Variants in CMSS1 observed in about 807,000 individuals in gnomAD.
CMSS1 encodes the protein cms1 ribosomal small subunit homolog.
Under a neutral mutation model 43.5 loss-of-function variants are expected in CMSS1, and 33 were observed. The observed-to-expected ratio is 0.76, with a 90% CI of 0.57 to 1.01. The LOEUF is 1.01. CMSS1 is among the 50% of genes least tolerant of loss of function. The probability of loss-of-function intolerance (pLI) is 0.00; values close to 1 mark genes in which losing one functional copy is unlikely to be tolerated. For synonymous variants in CMSS1, 115 were observed against 117.2 expected (o/e 0.98, Z 0.12); for missense variants, 313 against 326.4 (o/e 0.96, Z 0.32).
intron 1 of CMSS1, among the ~76,000 whole-genome samples, chr3:99,989,937 G>A (rs1271149674): frequency 6.6e-6 from 1 of 152,050 alleles, no homozygotes. Context: ...CACCTGGTAC[G>A]TGCTTAAGAG....
chr3:100,124,496 C>T (rs2066647101), intron 1 of CMSS1, among the ~76,000 whole-genome samples: 1 of 152,186 alleles, frequency 6.6e-6, no homozygotes, highest in African/African-American at 2.4e-5. Flanking sequence ...GGAGTACAGG[C>T]CTTTCCATTG....
chr3:99,926,019 G>T (rs1707282461), intron 1 of CMSS1: 1 of 227,882 alleles, frequency 4.4e-6, no homozygotes, highest in Non-Finnish European at 7.3e-6. Context: ...TTCTAGATTA[G>T]ATACAGATGC....
chr3:99,849,965 A>G, intron 1 of CMSS1: 1 of 1,612,408 alleles, frequency 6.2e-7, no homozygotes, highest in East Asian at 2.2e-5. Flanking sequence ...TCCGCTTTCA[A>G]TTTGTTTTTT....
chr3:100,176,286 T>G, intron 8 of CMSS1, 41 bp from the exon 9 acceptor site: 2 of 1,297,700 alleles, frequency 1.5e-6, no homozygotes, highest in Non-Finnish European at 2.2e-6. Context: ...GCTTATGTCA[T>G]GAGGTCTTTA....
At chr3:100,145,689 A>G (rs190021996) in intron 1 of CMSS1, among the ~76,000 whole-genome samples, 1 of 152,216 alleles carries the variant, frequency 6.6e-6, no homozygotes, top group Non-Finnish European at 1.5e-5. Context: ...TAGTCTAAAC[A>G]TGATAGGCTT....
At chr3:100,055,961 G>A (rs1416944910) in intron 1 of CMSS1, among the ~76,000 whole-genome samples, 1 of 152,182 alleles carries the variant, frequency 6.6e-6, no homozygotes, top group Non-Finnish European at 1.5e-5. Context: ...TAACACTTGT[G>A]TATGGAGTCC....
chr3:99,875,940 T>C (rs1221008412), intron 1 of CMSS1: 11 of 528,496 alleles, frequency 2.1e-5, no homozygotes, highest in Non-Finnish European at 2.4e-5. Flanking sequence ...CTAGAATTCA[T>C]TGGATGCGCT....
intron 1 of CMSS1, among the ~76,000 whole-genome samples, chr3:99,867,659 A>G (rs1241754257): frequency 6.6e-6 from 1 of 152,172 alleles, no homozygotes; most frequent in Admixed American, 6.5e-5. Flanking sequence ...TCTAAGGTCT[A>G]CAAAGCCTTT....
At chr3:99,944,632 G>C (rs1321047878) in intron 1 of CMSS1, among the ~76,000 whole-genome samples, 1 of 152,236 alleles carries the variant, frequency 6.6e-6, no homozygotes, top group African/African-American at 2.4e-5. Context: ...TCTGCCCCAA[G>C]CCACAGAACT....
chr3:99,910,785 A>G lies in CMSS1; in HGVS notation c.64+92742A>G, dbSNP rs889480266. 1.0e-3 allele frequency among the ~76,000 whole-genome samples: 86 copies of G among 83,598 alleles called. 5 individuals carry two copies. The highest frequency in any genetic ancestry group is 2.6e-3 in the African/African-American group (84 of 32,070). 54.8% of individuals were successfully genotyped at this position (83,598 alleles called of 152,430 possible). A position where few individuals can be genotyped will look rare whatever the true frequency, so the allele number is the denominator to read the frequency against. ...AAGAAAGTAGATAACTAGAATATTT[A>G]TGCCCATTTTATAGATGGAAGCATC... is the stretch of plus-strand genomic sequence containing the variant. On this transcript the variant is annotated intron_variant, in intron 1 of 9. Transcript: ENST00000421999.
chr3:100,096,014 T>C (rs1239373611), intron 1 of CMSS1, among the ~76,000 whole-genome samples: 1 of 152,146 alleles, frequency 6.6e-6, no homozygotes, highest in Non-Finnish European at 1.5e-5. Context: ...AACAGGCATA[T>C]GAAAAGGTGC....
intron 1 of CMSS1, among the ~76,000 whole-genome samples, chr3:100,111,178 G>A (rs1010476470): frequency 3.9e-5 from 6 of 152,106 alleles, no homozygotes; most frequent in African/African-American, 1.4e-4. Context: ...GAACTCTAGG[G>A]TAAGGACCTA....
intron 1 of CMSS1, among the ~76,000 whole-genome samples, chr3:100,078,591 A>G (rs1335326248): frequency 6.6e-6 from 1 of 151,628 alleles, no homozygotes; most frequent in Non-Finnish European, 1.5e-5. Context: ...CTGATGAGGT[A>G]AAGAAAAAAA....
intron 1 of CMSS1, among the ~76,000 whole-genome samples, chr3:100,070,138 A>G (rs1259319388): frequency 6.6e-6 from 1 of 152,216 alleles, no homozygotes; most frequent in South Asian, 2.1e-4. Flanking sequence ...AGCTAACATG[A>G]AGTGCTCTGT....
At chr3:99,886,533 T>G (rs1705903114) in intron 1 of CMSS1, among the ~76,000 whole-genome samples, 1 of 152,148 alleles carries the variant, frequency 6.6e-6, no homozygotes, top group South Asian at 2.1e-4. Flanking sequence ...TTGGACAAGT[T>G]TGGTGTACAG....
chr3:100,143,167 G>A (rs1049357964), intron 1 of CMSS1, among the ~76,000 whole-genome samples: 1 of 152,188 alleles, frequency 6.6e-6, no homozygotes, highest in Admixed American at 6.5e-5. Flanking sequence ...ACTTGGGGTA[G>A]CCTTTAGATT....
rs1213436057 is a variant in CMSS1, at chr3:100,136,177, GAGA to G, written c.65-10789_65-10787del. Among the ~76,000 whole-genome samples the G allele has an allele frequency of 3.9e-5, 6 of 152,176 alleles. No homozygotes were observed. The East Asian group carries it at 5.8e-4, about 15-fold the overall frequency. On this transcript the variant is annotated intron_variant, in intron 1 of 9. Transcript: ENST00000421999. The stretch of plus-strand genomic sequence containing the variant: ...CATTTGTTTTGTTAAATCTTTTGGA[GAGA>G]AGAAGAGATCTTAAGGAGCTTGAGA...
chr3:100,027,232 T>C (rs967169979), intron 1 of CMSS1, among the ~76,000 whole-genome samples: 1 of 152,184 alleles, frequency 6.6e-6, no homozygotes, highest in African/African-American at 2.4e-5. Context: ...ACCTGTTTTC[T>C]GCACTAGAAT....
intron 1 of CMSS1, among the ~76,000 whole-genome samples, chr3:100,115,617 C>CTCTG (rs2066558315): frequency 4.3e-5 from 6 of 140,614 alleles, no homozygotes; most frequent in African/African-American, 1.6e-4. Flanking sequence ...CTCTCTCTCT[C>CTCTG]TCTCTCTCTC....
Sources: gnomAD v4.1 joint callset for allele counts (sites outside exome capture counted in the v4.1 genomes callset) on GRCh38, gnomAD v4.1.1 for gene constraint, MANE v1.5 for transcripts, NCBI Gene and HGNC (gene_info 2026-07-23, HGNC 2026-07-21) for gene names.